The following CACNG5 variants were observed in gnomAD, a reference collection of about 807,000 sequenced individuals.
CACNG5 encodes the protein calcium voltage-gated channel auxiliary subunit gamma 5, also known as voltage-dependent calcium channel gamma-5 subunit.
CACNG5 carries 18 observed loss-of-function variants against 24.8 expected under a neutral mutation model. The ratio of observed to expected loss-of-function variants is 0.73; its 90% CI spans 0.50 to 1.08. The LOEUF (loss-of-function observed/expected upper bound fraction) is 1.08. Ranked by LOEUF, CACNG5 falls within the 50% of genes least tolerant of loss-of-function variation. CACNG5 has a pLI of 0.00. For missense variants in CACNG5, 349 were observed against 367.9 expected, an observed-to-expected ratio of 0.95 and a Z score of 0.42; for synonymous variants, 157 against 149.1, an observed-to-expected ratio of 1.05 and a Z score of -0.39.
intron 1 of CACNG5, among the ~76,000 whole-genome samples, chr17:66,847,535 G>A (rs1048067279): frequency 1.1e-4 from 16 of 142,884 alleles, no homozygotes; most frequent in Admixed American, 5.0e-4. Context: ...AGAACGGCAC[G>A]GGGAAAAACC....
chr17:66,836,127 G>A (rs1479140372), intron 1 of CACNG5, among the ~76,000 whole-genome samples: 2 of 152,152 alleles, frequency 1.3e-5, no homozygotes, highest in African/African-American at 4.8e-5. Context: ...GCTGCCTCCG[G>A]TACCTGCCAG....
intron 4 of CACNG5, among the ~76,000 whole-genome samples, chr17:66,881,763 G>A (rs944720737): frequency 6.6e-6 from 1 of 151,946 alleles, no homozygotes. Flanking sequence ...ACCAGGAGGA[G>A]GCAAACTAAA....
At chr17:66,864,931 T>G (rs1261741839) in intron 1 of CACNG5, among the ~76,000 whole-genome samples, 1 of 152,194 alleles carries the variant, frequency 6.6e-6, no homozygotes, top group Non-Finnish European at 1.5e-5. Flanking sequence ...TTTATGTTCA[T>G]CAATATATAT....
chr17:66,875,548 C>T (rs1977063663), intron 1 of CACNG5, among the ~76,000 whole-genome samples: 1 of 152,184 alleles, frequency 6.6e-6, no homozygotes. Context: ...GCTCTAAACT[C>T]TGCCACTCTC....
At chr17:66,878,771 G>A (rs182852094) in intron 2 of CACNG5, among the ~76,000 whole-genome samples, 1 of 152,304 alleles carries the variant, frequency 6.6e-6, no homozygotes, top group Admixed American at 6.5e-5. Context: ...CTCCAGGAAG[G>A]TTGTCATGTC....
At chr17:66,884,461 G>A in intron 4 of CACNG5, 55 bp from the exon 5 acceptor site, 1 of 1,541,772 alleles carries the variant, frequency 6.5e-7, no homozygotes, top group Admixed American at 2.0e-5. Context: ...TGCCACCTCA[G>A]CAAACTTCCT....
rs75768191 is a variant in CACNG5, at chr17:66,877,013, G to T, written c.-103-217G>T. On this transcript the variant is annotated intron_variant, in intron 1 of 5. Coordinates refer to ENST00000533854, the MANE Select transcript of CACNG5 (RefSeq NM_145811.3). ...TGAATGAATGAATGAATGAATGAAT[G>T]AATGGCAGTACCCAGCAAGGGGACT... 2.3e-3 allele frequency among the ~76,000 whole-genome samples: 341 copies of T among 150,120 alleles called. 4 individuals are homozygous for T. The highest frequency in any genetic ancestry group is 8.3e-3 in the African/African-American group (330 of 39,528).
intron 1 of CACNG5, among the ~76,000 whole-genome samples, chr17:66,856,362 A>T (rs1413963242): frequency 2.0e-5 from 3 of 152,184 alleles, no homozygotes; most frequent in African/African-American, 7.2e-5. Context: ...GTAGATTCAC[A>T]TGCAGTTGTT....
At position 66,884,980 on chromosome 17, in the gene CACNG5, T is replaced by C; in HGVS notation, c.571-3T>C. The C allele has an allele frequency of 6.2e-7, 1 of 1,614,094 alleles. No homozygotes were observed. The highest frequency in any genetic ancestry group is 1.1e-5 in the South Asian group (1 of 91,084). On this transcript the variant is annotated splice_polypyrimidine_tract_variant and splice_region_variant and intron_variant, in intron 5 of 5. Transcript: ENST00000533854. ...CCCATCCTCTGCTGTCTTCTCCCTG[T>C]AGAGTGCCGGGGTGATGTCTGTGTA...
Position 66,894,436 on chromosome 17 carries a change from C to A in CACNG5, c.*9196C>A, listed in dbSNP as rs1272295464. Among the ~76,000 whole-genome samples the A allele has an allele frequency of 6.6e-6, 1 of 152,074 alleles. No individual in the cohort carries two copies. Among genetic ancestry groups the A allele is most frequent in the Admixed American group, 6.5e-5 (1 of 15,270 alleles). On this transcript the variant is annotated 3_prime_UTR_variant, in exon 6 of 6. Coordinates refer to ENST00000533854, the MANE Select transcript of CACNG5 (RefSeq NM_145811.3). Reference sequence around the variant, plus strand: ...ATTATTTTGGTTATTGCTACTGTTTCTTTAGCACCTACTATATAACAGCTT... The same window carrying A: ...ATTATTTTGGTTATTGCTACTGTTTATTTAGCACCTACTATATAACAGCTT...
In CACNG5 at chr17:66,885,862, C is replaced by G. The variant is rs967071350; in HGVS notation, c.*622C>G. 9.2e-5 allele frequency among the ~76,000 whole-genome samples: 14 copies of G among 152,214 alleles called. No individual in the cohort carries two copies. On this transcript the variant is annotated 3_prime_UTR_variant, in exon 6 of 6. Transcript: ENST00000533854. ...CACAGGCTGTGGTGAACTTTTTCTC[C>G]TTTCCTCACACCAGAACTCAGCTGC...
chr17:66,880,522 A>T (rs1568072501), intron 3 of CACNG5, 35 bp from the exon 4 acceptor site: 1 of 1,613,658 alleles, frequency 6.2e-7, no homozygotes, highest in Non-Finnish European at 8.5e-7. Context: ...TCAGGCCTGG[A>T]GGCTGACAGG....
intron 1 of CACNG5, among the ~76,000 whole-genome samples, chr17:66,855,777 G>A (rs1339408048): frequency 1.3e-5 from 2 of 152,150 alleles, no homozygotes; most frequent in Non-Finnish European, 2.9e-5. Context: ...GATTACAGGC[G>A]TGAGCCACCG....
At chr17:66,855,116 C>G (rs1976756041) in intron 1 of CACNG5, among the ~76,000 whole-genome samples, 1 of 152,254 alleles carries the variant, frequency 6.6e-6, no homozygotes, top group Non-Finnish European at 1.5e-5. Flanking sequence ...AAGCCCATTT[C>G]ACCCCTTAAA....
intron 1 of CACNG5, among the ~76,000 whole-genome samples, chr17:66,854,243 C>T (rs951716489): frequency 1.3e-5 from 2 of 152,130 alleles, no homozygotes; most frequent in African/African-American, 4.8e-5. Context: ...TCCTGGCTAA[C>T]ATGGTGAAAC....
rs372804663 is a variant in CACNG5 at position 66,846,646 on chromosome 17, C to T, written c.-104+11396C>T. ...CCATTCATGAAATGGAATATTATCT[C>T]GCCATAAAATGCATGCTACCACACG... On this transcript the variant is annotated intron_variant, in intron 1 of 5. Transcript: ENST00000533854. 7.2e-5 allele frequency among the ~76,000 whole-genome samples: 11 copies of T among 152,244 alleles called. No individual in the cohort carries two copies. In the East Asian group the frequency reaches 2.1e-3, roughly 29 times the overall value.
At chr17:66,856,497 T>C (rs1172123585) in intron 1 of CACNG5, among the ~76,000 whole-genome samples, 1 of 151,112 alleles carries the variant, frequency 6.6e-6, no homozygotes, top group African/African-American at 2.4e-5. Flanking sequence ...TAGTCAAGGA[T>C]ATAGAAAATT....
chr17:66,846,036 G>T (rs900204497), intron 1 of CACNG5, among the ~76,000 whole-genome samples: 2 of 152,154 alleles, frequency 1.3e-5, no homozygotes, highest in African/African-American at 2.4e-5. Context: ...AGCTGAGAGA[G>T]GCTGGTGTTT....
intron 1 of CACNG5, among the ~76,000 whole-genome samples, chr17:66,850,707 T>C (rs927092937): frequency 5.3e-5 from 8 of 152,034 alleles, no homozygotes; most frequent in African/African-American, 1.4e-4. Context: ...CCTCCTCTCC[T>C]CCATCCATAA....
Sources: allele counts gnomAD v4.1 joint callset (sites outside exome capture counted in the v4.1 genomes callset), GRCh38; gene constraint gnomAD v4.1.1; transcripts MANE v1.5; gene names NCBI Gene and HGNC (gene_info 2026-07-23, HGNC 2026-07-21).